The following CCNY variants were observed in gnomAD, a reference collection of about 807,000 sequenced individuals.
The protein encoded by CCNY is cyclin-Y.
Under a neutral mutation model 42.8 loss-of-function variants are expected in CCNY, and 19 were observed. The observed-to-expected ratio is 0.44, with a 90% confidence interval of 0.31 to 0.65. The LOEUF is 0.65. CCNY is among the 30% of genes least tolerant of loss of function. The probability of loss-of-function intolerance (pLI) is 0.07; values close to 1 mark genes in which losing one functional copy is unlikely to be tolerated. For synonymous variants in CCNY, 165 were observed against 162.7 expected, an observed-to-expected ratio of 1.01 and a Z score of -0.11; for missense variants, 370 against 437.3, an observed-to-expected ratio of 0.85 and a Z score of 1.37.
chr10:35,530,054 G>A lies in CCNY; in HGVS notation c.459+24G>A. 1 of 1,614,056 alleles carries A rather than the reference G, an allele frequency of 6.2e-7. No individual in the cohort carries two copies. Among genetic ancestry groups the A allele is most frequent in the Non-Finnish European group, 8.5e-7 (1 of 1,179,932 alleles). On this transcript the variant is annotated intron_variant, in intron 6 of 9. Coordinates refer to ENST00000374704, the MANE Select transcript of CCNY (RefSeq NM_145012.6). The surrounding 1 kb of genome is among the most constrained non-coding windows in gnomAD (Gnocchi z 4.3). Reference sequence around the variant, plus strand: ...CGGTAATCTCCTCCGTGTGTTTCATGAGATGATTTAATTATTTCTCTTTTG... The same window carrying A: ...CGGTAATCTCCTCCGTGTGTTTCATAAGATGATTTAATTATTTCTCTTTTG...
At chr10:35,274,930 CT>C (rs1304177403) in intron 3 of CCNY, among the ~76,000 whole-genome samples, 2 of 152,138 alleles carry the variant, frequency 1.3e-5, no homozygotes. Flanking sequence ...TGTGATCCCC[CT>C]GGCTTCTGCA....
At chr10:35,501,882 T>C (rs1055465810) in intron 3 of CCNY, among the ~76,000 whole-genome samples, 5 of 152,244 alleles carry the variant, frequency 3.3e-5, no homozygotes, top group African/African-American at 1.2e-4. Context: ...TCTTTTTCTC[T>C]TGTAGCTCAG....
chr10:35,442,059 T>C (rs1244313290), intron 1 of CCNY, among the ~76,000 whole-genome samples: 1 of 152,214 alleles, frequency 6.6e-6, no homozygotes, highest in African/African-American at 2.4e-5. Context: ...TTTTAAATAA[T>C]AGCTTAAAAG....
chr10:35,564,804 G>T (rs1458428992), intron 8 of CCNY, among the ~76,000 whole-genome samples: 3 of 152,222 alleles, frequency 2.0e-5, no homozygotes, highest in African/African-American at 7.2e-5. Context: ...CCTCACCTCA[G>T]TTCAGCTCTC....
intron 5 of CCNY, among the ~76,000 whole-genome samples, chr10:35,529,654 G>A (rs1316581610): frequency 1.3e-5 from 2 of 152,122 alleles, no homozygotes; most frequent in East Asian, 3.9e-4. Flanking sequence ...CCTGAGGTCA[G>A]GAGTTCGAGA....
At chr10:35,477,453 T>TTC (rs1839541796) in intron 1 of CCNY, among the ~76,000 whole-genome samples, 1 of 151,220 alleles carries the variant, frequency 6.6e-6, no homozygotes, top group South Asian at 2.1e-4. Context: ...TCAAGTGGGC[T>TTC]TCATCCCTGG....
chr10:35,376,645 C>T (rs903513514), intron 1 of CCNY, among the ~76,000 whole-genome samples: 2 of 152,148 alleles, frequency 1.3e-5, no homozygotes, highest in African/African-American at 4.8e-5. Flanking sequence ...TCCGAAAAAG[C>T]CTTTAATCCA....
chr10:35,360,071 C>T (rs143204865), intron 1 of CCNY, among the ~76,000 whole-genome samples: 51 of 152,282 alleles, frequency 3.3e-4, no homozygotes, highest in African/African-American at 1.2e-3. Flanking sequence ...GCTAGGCACA[C>T]GAGTGTTGAA....
chr10:35,453,098 A>T (rs905553730), intron 1 of CCNY, among the ~76,000 whole-genome samples: 10 of 152,194 alleles, frequency 6.6e-5, no homozygotes, highest in Admixed American at 3.3e-4. Flanking sequence ...TCTCAGCCAC[A>T]GCGTCCAACT....
At chr10:35,502,719 G>A (rs1206585723) in intron 3 of CCNY, among the ~76,000 whole-genome samples, 1 of 151,206 alleles carries the variant, frequency 6.6e-6, no homozygotes, top group African/African-American at 2.4e-5. Context: ...TGCAATCTGT[G>A]TCATGAGGAA....
At chr10:35,519,938 C>T (rs1840514215) in intron 4 of CCNY, among the ~76,000 whole-genome samples, 1 of 151,970 alleles carries the variant, frequency 6.6e-6, no homozygotes, top group Non-Finnish European at 1.5e-5. Context: ...CTACCATGGC[C>T]AGCTAATTTT....
intron 3 of CCNY, among the ~76,000 whole-genome samples, chr10:35,300,468 T>C (rs1383824338): frequency 6.6e-6 from 1 of 152,170 alleles, no homozygotes; most frequent in Non-Finnish European, 1.5e-5. Flanking sequence ...AATTGTTTCA[T>C]ATATCTTCTC....
chr10:35,262,961 T>TA (rs767346809), intron 3 of CCNY, among the ~76,000 whole-genome samples: 54 of 151,586 alleles, frequency 3.6e-4, no homozygotes, highest in Non-Finnish European at 6.2e-4. Flanking sequence ...CTCATACCTG[T>TA]AATCTCAGCA....
Position 35,264,343 on chromosome 10 carries a change from C to T in CCNY, c.-9+13717C>T, listed in dbSNP as rs185333730. ...TGTTGGTGTGCTGCACCCATTAACT[C>T]GTCAGGTCAAATGGTATTTCTGCCT... On this transcript the variant is annotated intron_variant, in intron 3 of 11. Transcript: ENST00000374706. 2.0e-3 allele frequency among the ~76,000 whole-genome samples: 311 copies of T among 152,214 alleles called. 2 individuals are homozygous for T. The highest frequency in any genetic ancestry group is 0.011 in the South Asian group (53 of 4,806).
At chr10:35,485,851 TC>T (rs985242038) in intron 2 of CCNY, among the ~76,000 whole-genome samples, 2 of 151,998 alleles carry the variant, frequency 1.3e-5, no homozygotes, top group African/African-American at 4.8e-5. Flanking sequence ...TCCTAAGAAA[TC>T]CTGCCCTTCT....
chr10:35,482,697 T>TG (rs1301505449), intron 1 of CCNY, among the ~76,000 whole-genome samples: 1 of 147,068 alleles, frequency 6.8e-6, no homozygotes. Context: ...TCCACTGGGG[T>TG]GGGGGCTCAG....
At chr10:35,502,381 A>G (rs978769151) in intron 3 of CCNY, among the ~76,000 whole-genome samples, 2 of 152,234 alleles carry the variant, frequency 1.3e-5, no homozygotes, top group Non-Finnish European at 2.9e-5. Context: ...GACTGTCTGC[A>G]TCTGTGTATT....
At chr10:35,318,837 G>T (rs543530782) in intron 3 of CCNY, among the ~76,000 whole-genome samples, 1 of 151,948 alleles carries the variant, frequency 6.6e-6, no homozygotes, top group African/African-American at 2.4e-5. Flanking sequence ...TAAAAGGAAG[G>T]AAATAATAAA....
At chr10:35,565,910 G>T (rs1414442280) in intron 8 of CCNY, 113 bp from the exon 9 acceptor site, 6 of 1,024,194 alleles carry the variant, frequency 5.9e-6, no homozygotes, top group Non-Finnish European at 8.7e-6. Flanking sequence ...TAGATCACTG[G>T]TCTTCCTGGA....
Sources: allele counts gnomAD v4.1 joint callset (sites outside exome capture counted in the v4.1 genomes callset), GRCh38; gene constraint gnomAD v4.1.1; non-coding constraint Gnocchi (gnomAD v3.1); transcripts MANE v1.5; gene names NCBI Gene and HGNC (gene_info 2026-07-23, HGNC 2026-07-21).